MEGF11: variants seen among roughly 807,000 people sequenced by gnomAD.
MEGF11 encodes multiple EGF like domains 11.
MEGF11 carries 126 observed loss-of-function variants against 146.6 expected under a neutral mutation model. The observed-to-expected ratio is 0.86, with a 90% CI of 0.74 to 1.00. The LOEUF is 1.00. Among genes scored for constraint, MEGF11 ranks in the 50% least tolerant of loss-of-function variants. The pLI is 0.00. For synonymous variants in MEGF11, 532 were observed against 583.4 expected (o/e 0.91, Z 1.27); for missense variants, 1,509 against 1,521.2 (o/e 0.99, Z 0.13).
At chr15:65,916,686 C>T (rs1340257255) in intron 17 of MEGF11, 142 bp downstream of exon 17, 1 of 1,411,610 alleles carries the variant, frequency 7.1e-7, no homozygotes, top group African/African-American at 1.4e-5. Flanking sequence ...CTCCTCAGTT[C>T]TCGTGGGGCA....
intron 1 of MEGF11, among the ~76,000 whole-genome samples, chr15:66,154,159 C>T (rs2089667240): frequency 6.6e-6 from 1 of 152,250 alleles, no homozygotes; most frequent in Non-Finnish European, 1.5e-5. Flanking sequence ...CCCAGCAGTG[C>T]CAGCAGGTGT....
chr15:66,195,888 A>G (rs1029595146), intron 1 of MEGF11, among the ~76,000 whole-genome samples: 4 of 152,208 alleles, frequency 2.6e-5, no homozygotes, highest in Admixed American at 2.6e-4. Context: ...ACTGGTCACC[A>G]CAGCAGGGGC....
rs2090018757 is a variant in MEGF11 at position 66,163,763 on chromosome 15, G to A, written c.-8-35352C>T. 5.3e-5 allele frequency among the ~76,000 whole-genome samples: 8 copies of A among 152,220 alleles called. 1 individual carries two copies. The South Asian group carries it at 1.7e-3, about 32-fold the overall frequency. On this transcript the variant is annotated intron_variant, in intron 1 of 25. Transcript: ENST00000395614. ...AAAAGATCCGTCCTGGCTGTGCAGT[G>A]CACGGGGCATCAATCAGTGGCAGCC...
At chr15:66,091,587 C>G (rs1256566560) in intron 5 of MEGF11, among the ~76,000 whole-genome samples, 1 of 152,218 alleles carries the variant, frequency 6.6e-6, no homozygotes, top group Non-Finnish European at 1.5e-5. Context: ...TTTAACCTCT[C>G]TCTGCTTCAA....
intron 1 of MEGF11, among the ~76,000 whole-genome samples, chr15:66,136,864 CAAACAAT>C (rs1398885639): frequency 3.3e-5 from 5 of 152,046 alleles, no homozygotes; most frequent in Admixed American, 6.6e-5. Flanking sequence ...CCCATCTCTA[CAAACAAT>C]ACGGGAAAAA....
intron 5 of MEGF11, 88 bp downstream of exon 5, chr15:66,094,314 C>T (rs2086443827): frequency 8.6e-7 from 1 of 1,162,474 alleles, no homozygotes; most frequent in Non-Finnish European, 1.2e-6. Context: ...CCCAGCACAA[C>T]ACAAAAATGT....
intron 4 of MEGF11, among the ~76,000 whole-genome samples, chr15:66,107,562 GC>G (rs1478107083): frequency 1.3e-5 from 2 of 152,190 alleles, no homozygotes; most frequent in East Asian, 3.8e-4. Flanking sequence ...TCCCCACAGA[GC>G]CCCAGAGCAG....
At position 66,244,452 on chromosome 15, in the gene MEGF11, G is replaced by A. The variant is rs151007168; in HGVS notation, c.-9+9153C>T. Among the ~76,000 whole-genome samples the A allele has an allele frequency of 1.4e-3, 207 of 152,318 alleles. 1 individual carries two copies. The highest frequency in any genetic ancestry group is 4.8e-3 in the African/African-American group (198 of 41,572). ...GGATGCAGCAAAGCAGTGGGGCACA[G>A]TGGGACACAAGGAAAAAGAGACTGG... On this transcript the variant is annotated intron_variant, in intron 1 of 25. Transcript: ENST00000395614.
chr15:66,051,020 G>A (rs912905012), intron 5 of MEGF11, among the ~76,000 whole-genome samples: 3 of 152,226 alleles, frequency 2.0e-5, no homozygotes, highest in Non-Finnish European at 2.9e-5. Context: ...AGAGGAGCAT[G>A]GCTTAGGCAT....
At chr15:66,061,266 G>A (rs531588094) in intron 5 of MEGF11, among the ~76,000 whole-genome samples, 7 of 152,344 alleles carry the variant, frequency 4.6e-5, no homozygotes, top group African/African-American at 4.8e-5. Flanking sequence ...CAGAGCAGGG[G>A]CTGAGGCCCA....
Position 65,982,603 on chromosome 15 carries a change from G to A in MEGF11, c.395-115C>T. The A allele has an allele frequency of 7.8e-7, 1 of 1,289,638 alleles. No individual in the cohort carries two copies. Among genetic ancestry groups the A allele is most frequent in the Non-Finnish European group, 1.0e-6 (1 of 988,616 alleles). The allele number at this position is 1,289,638 out of a possible 1,614,324, so 79.9% of individuals were successfully genotyped here. A position where few individuals can be genotyped will look rare whatever the true frequency, so the allele number is the denominator to read the frequency against. On this transcript the variant is annotated intron_variant, in intron 5 of 25. Coordinates refer to ENST00000395614, the MANE Select transcript of MEGF11 (RefSeq NM_001385028.1). This position sits in a 1 kb window ranked among gnomAD's most constrained non-coding sequence, Gnocchi z 5.6. ...TCTTTGCAGCGCTGCTCCCCGGACA[G>A]GTGGCAGCAAGGGGTGCCTGGAAGC...
chr15:66,148,668 C>T (rs2089457717), intron 1 of MEGF11, among the ~76,000 whole-genome samples: 1 of 152,226 alleles, frequency 6.6e-6, no homozygotes, highest in African/African-American at 2.4e-5. Flanking sequence ...GCCAGTGCCC[C>T]CTCTCTATCA....
intron 5 of MEGF11, among the ~76,000 whole-genome samples, chr15:66,021,458 C>T (rs2083130047): frequency 6.6e-6 from 1 of 152,206 alleles, no homozygotes; most frequent in South Asian, 2.1e-4. Context: ...AGAAGCCATA[C>T]ATATATAAAC....
chr15:65,950,056 C>G (rs1408484311), intron 10 of MEGF11, among the ~76,000 whole-genome samples: 1 of 152,168 alleles, frequency 6.6e-6, no homozygotes, highest in Non-Finnish European at 1.5e-5. Context: ...CCACCTCTAC[C>G]CCCAAACAGG....
chr15:66,200,539 T>C (rs1567281490), intron 1 of MEGF11, among the ~76,000 whole-genome samples: 1 of 152,124 alleles, frequency 6.6e-6, no homozygotes, highest in Non-Finnish European at 1.5e-5. Flanking sequence ...TACCTCATGA[T>C]CAGTTATCCT....
chr15:65,990,193 G>A (rs1420703573), intron 5 of MEGF11, among the ~76,000 whole-genome samples: 1 of 151,932 alleles, frequency 6.6e-6, no homozygotes, highest in African/African-American at 2.4e-5. Flanking sequence ...CTGTGCAACA[G>A]AGACTCTGTC....
chr15:65,945,777 C>A (rs2080169753), intron 10 of MEGF11, among the ~76,000 whole-genome samples: 1 of 152,168 alleles, frequency 6.6e-6, no homozygotes, highest in Non-Finnish European at 1.5e-5. Context: ...AAATTCAGCT[C>A]TCCTGGCTCC....
intron 5 of MEGF11, among the ~76,000 whole-genome samples, chr15:65,989,694 G>C (rs752210338): frequency 4.5e-4 from 68 of 152,356 alleles, no homozygotes; most frequent in Admixed American, 1.1e-3. Context: ...TTCTGAGGGA[G>C]CACTGAAGGA....
chr15:65,995,586 G>A (rs1021883289), intron 5 of MEGF11, among the ~76,000 whole-genome samples: 1 of 152,208 alleles, frequency 6.6e-6, no homozygotes, highest in African/African-American at 2.4e-5. Flanking sequence ...TGGGCTAGGC[G>A]CAGGTCAGAG....
Sources: allele counts gnomAD v4.1 joint callset (sites outside exome capture counted in the v4.1 genomes callset), GRCh38; gene constraint gnomAD v4.1.1; non-coding constraint Gnocchi (gnomAD v3.1); transcripts MANE v1.5; gene names NCBI Gene and HGNC (gene_info 2026-07-23, HGNC 2026-07-21).